The following PLEKHH2 variants were observed in gnomAD, a reference collection of about 807,000 sequenced individuals.
The protein encoded by PLEKHH2 is pleckstrin homology, MyTH4 and FERM domain containing H2.
A neutral mutation model predicts 187.9 loss-of-function variants in PLEKHH2; 129 were observed. The observed-to-expected ratio is 0.69, with a 90% confidence interval of 0.59 to 0.79. The LOEUF is 0.79. Among genes scored for constraint, PLEKHH2 ranks in the 30% least tolerant of loss-of-function variants. PLEKHH2 has a pLI of 0.00. For missense variants in PLEKHH2, 2,076 were observed against 1,751.2 expected, an observed-to-expected ratio of 1.19 and a Z score of -3.31; for synonymous variants, 686 against 605.6, an observed-to-expected ratio of 1.13 and a Z score of -1.95.
intron 7 of PLEKHH2, among the ~76,000 whole-genome samples, 156 bp downstream of exon 7, chr2:43,697,512 T>G (rs531958468): frequency 6.6e-6 from 1 of 152,222 alleles, no homozygotes; most frequent in African/African-American, 2.4e-5. Flanking sequence ...CATTTAACTT[T>G]GTGTGTCTAA....
At chr2:43,666,593 C>G (rs1667229371) in intron 2 of PLEKHH2, among the ~76,000 whole-genome samples, 1 of 152,194 alleles carries the variant, frequency 6.6e-6, no homozygotes, top group African/African-American at 2.4e-5. Flanking sequence ...GTTCTACTTG[C>G]TCTGCAGTTT....
At chr2:43,757,572 C>T (rs1672265897) in intron 26 of PLEKHH2, among the ~76,000 whole-genome samples, 1 of 152,048 alleles carries the variant, frequency 6.6e-6, no homozygotes, top group South Asian at 2.1e-4. Flanking sequence ...GCGCCCGCCA[C>T]CACACCCAGC....
chr2:43,675,620 C>T (rs754000185), intron 2 of PLEKHH2: 2 of 1,613,726 alleles, frequency 1.2e-6, no homozygotes, highest in Non-Finnish European at 1.7e-6. Context: ...TCATAATCCT[C>T]TGCATTTTCT....
intron 6 of PLEKHH2, among the ~76,000 whole-genome samples, chr2:43,695,853 A>G (rs867230633): frequency 1.3e-5 from 2 of 152,336 alleles, no homozygotes; most frequent in Middle Eastern, 3.4e-3. Flanking sequence ...TTGTAGCTGC[A>G]TTGAACACTT....
chr2:43,741,452 G>A (rs946316334), intron 21 of PLEKHH2: 1 of 153,796 alleles, frequency 6.5e-6, no homozygotes, highest in African/African-American at 2.4e-5. Context: ...CTAATTGTAT[G>A]TATTTGAATT....
At chr2:43,756,454 G>A (rs544758960) in intron 25 of PLEKHH2, among the ~76,000 whole-genome samples, 27 of 151,882 alleles carry the variant, frequency 1.8e-4, no homozygotes, top group Non-Finnish European at 3.7e-4. Flanking sequence ...CACCACACCC[G>A]TCTGTTGCCT....
intron 19 of PLEKHH2, among the ~76,000 whole-genome samples, 159 bp downstream of exon 19, chr2:43,731,761 G>A (rs996634942): frequency 6.6e-6 from 1 of 152,044 alleles, no homozygotes; most frequent in African/African-American, 2.4e-5. Flanking sequence ...AATAAAATTA[G>A]GTGAATTTCA....
intron 16 of PLEKHH2, 111 bp downstream of exon 16, chr2:43,720,860 G>T: frequency 6.9e-7 from 1 of 1,445,840 alleles, no homozygotes; most frequent in South Asian, 1.4e-5. Flanking sequence ...TCTTTATGAG[G>T]TTGAAATTTG....
At chr2:43,734,181 G>T (rs991862566) in intron 19 of PLEKHH2, among the ~76,000 whole-genome samples, 1 of 152,138 alleles carries the variant, frequency 6.6e-6, no homozygotes, top group Non-Finnish European at 1.5e-5. Context: ...CAGATCTACA[G>T]TCATCAACAC....
intron 3 of PLEKHH2, among the ~76,000 whole-genome samples, chr2:43,689,292 A>AT (rs1192394266): frequency 1.3e-5 from 2 of 152,194 alleles, no homozygotes; most frequent in African/African-American, 4.8e-5. Context: ...AGGTGGGTGG[A>AT]TACAATCAGA....
intron 29 of PLEKHH2, 111 bp downstream of exon 29, chr2:43,764,476 C>G: frequency 8.9e-7 from 1 of 1,123,078 alleles, no homozygotes; most frequent in Non-Finnish European, 1.3e-6. Flanking sequence ...ATTTATTCAG[C>G]AAAGACTGCA....
chr2:43,639,001 A>G (rs1333401804), intron 1 of PLEKHH2, among the ~76,000 whole-genome samples: 4 of 152,322 alleles, frequency 2.6e-5, no homozygotes, highest in South Asian at 2.1e-4. Flanking sequence ...AATTAGCATA[A>G]CTAAAGAAAT....
Position 43,649,153 on chromosome 2 carries a change from G to A in PLEKHH2, c.123+4357G>A. 1.3e-5 allele frequency among the ~76,000 whole-genome samples: 2 copies of A among 152,168 alleles called. 1 individual carries two copies. The highest frequency in any genetic ancestry group is 1.3e-4 in the Admixed American group (2 of 15,274). On this transcript the variant is annotated intron_variant, in intron 2 of 29. Transcript: ENST00000282406. ...TGGGCAAGTGCTGCTGTAAGTGGGAGAGGTCTTTAGAGGAATTTAAGGAAT... is the reference window on the plus strand; with the variant it reads ...TGGGCAAGTGCTGCTGTAAGTGGGAAAGGTCTTTAGAGGAATTTAAGGAAT...
intron 24 of PLEKHH2, among the ~76,000 whole-genome samples, chr2:43,753,116 C>A: frequency 6.6e-6 from 1 of 152,056 alleles, no homozygotes; most frequent in East Asian, 1.9e-4. Flanking sequence ...GTTTATACAG[C>A]CCATTGAAAT....
Position 43,764,300 on chromosome 2 carries a change from A to G in PLEKHH2, c.4231A>G (p.Ile1411Val), listed in dbSNP as rs776387170. 6.2e-7 allele frequency: 1 copy of G among 1,606,266 alleles called. No homozygotes were observed. The highest frequency in any genetic ancestry group is 8.5e-7 in the Non-Finnish European group (1 of 1,175,134). Residue 1411 changes from isoleucine (I) to valine (V), a missense_variant, in exon 29 of 30, where the codon ATT becomes GTT. Physicochemically the swap from Ile to Val is conservative, Grantham distance 29. Coordinates refer to ENST00000282406, the MANE Select transcript of PLEKHH2 (RefSeq NM_172069.4). The stretch of plus-strand genomic sequence containing the variant: ...CTATCAAGATGATTTTATGGTAGTC[A>G]TTAACAATACACATTCAAAGGACAA... ...GGYQDDFMVV[I>V]NNTHSKDKPT...
intron 2 of PLEKHH2, among the ~76,000 whole-genome samples, chr2:43,651,872 A>C (rs1007627462): frequency 6.6e-6 from 1 of 152,128 alleles, no homozygotes; most frequent in African/African-American, 2.4e-5. Context: ...TGTTCCCTGA[A>C]TTATCTTTCT....
chr2:43,720,832 C>T, intron 16 of PLEKHH2, 83 bp downstream of exon 16: 1 of 1,495,384 alleles, frequency 6.7e-7, no homozygotes, highest in Non-Finnish European at 8.8e-7. Flanking sequence ...TCTTCTCTTA[C>T]TTTGTAAAAC....
Position 43,681,218 on chromosome 2 carries a change from T to C in PLEKHH2, c.186+2293T>C, listed in dbSNP as rs191496100. ...AAGAATACAGAAAGCTGTTTCTCCA[T>C]GTATTATTAAAGCGATCTTTTTTCC... On this transcript the variant is annotated intron_variant, in intron 3 of 29. Transcript: ENST00000282406. 1.2e-3 allele frequency: 814 copies of C among 660,866 alleles called. 4 individuals carry two copies. Among genetic ancestry groups the C allele is most frequent in the African/African-American group, 0.011 (635 of 55,438 alleles). 40.9% of individuals were successfully genotyped at this position (660,866 alleles called of 1,614,324 possible).
intron 3 of PLEKHH2, 139 bp downstream of exon 3, chr2:43,679,064 A>T (rs1668026946): frequency 2.0e-6 from 1 of 498,386 alleles, no homozygotes; most frequent in Non-Finnish European, 3.5e-6. Flanking sequence ...CCATAAAGAA[A>T]ATGGAGAATC....
Sources: gnomAD v4.1 joint callset for allele counts (sites outside exome capture counted in the v4.1 genomes callset) on GRCh38, gnomAD v4.1.1 for gene constraint, MANE v1.5 for transcripts, NCBI Gene and HGNC (gene_info 2026-07-23, HGNC 2026-07-21) for gene names.